XYLT1: variants seen among roughly 807,000 people sequenced by gnomAD.
XYLT1 encodes beta-D-xylosyltransferase 1.
A neutral mutation model predicts 91.3 loss-of-function variants in XYLT1; 36 were observed. The observed-to-expected ratio is 0.39, with a 90% CI of 0.30 to 0.52. The LOEUF (loss-of-function observed/expected upper bound fraction) is 0.52, where lower values mean the gene tolerates loss of function less well. Among genes scored for constraint, XYLT1 ranks in the 20% least tolerant of loss-of-function variants. The pLI is 0.68. For synonymous variants in XYLT1, 588 were observed against 532.0 expected, an observed-to-expected ratio of 1.11 and a Z score of -1.45; for missense variants, 1,242 against 1,284.5, an observed-to-expected ratio of 0.97 and a Z score of 0.51.
At chr16:17,270,897 A>T (rs565943960) in intron 2 of XYLT1, among the ~76,000 whole-genome samples, 4 of 152,152 alleles carry the variant, frequency 2.6e-5, no homozygotes, top group Non-Finnish European at 5.9e-5. Flanking sequence ...CCGCAGAAAA[A>T]ATGAATGCCC....
At chr16:17,247,988 C>A (rs146108056) in intron 3 of XYLT1, among the ~76,000 whole-genome samples, 9 of 152,130 alleles carry the variant, frequency 5.9e-5, no homozygotes, top group Non-Finnish European at 7.3e-5. Context: ...ACCTGCCCCC[C>A]AGTCCCAGCC....
chr16:17,393,720 C>A (rs572504551), intron 1 of XYLT1, among the ~76,000 whole-genome samples: 1 of 151,876 alleles, frequency 6.6e-6, no homozygotes, highest in East Asian at 1.9e-4. Flanking sequence ...TCAAGACCAG[C>A]CTGGGAAACA....
intron 2 of XYLT1, among the ~76,000 whole-genome samples, chr16:17,298,019 C>CA (rs60593780): frequency 0.023 from 2,409 of 105,478 alleles, 62 homozygotes; most frequent in Admixed American, 0.11. Flanking sequence ...GACTCCGTCT[C>CA]AAAAAAAAAA....
intron 1 of XYLT1, among the ~76,000 whole-genome samples, chr16:17,442,203 G>T (rs975274486): frequency 6.6e-6 from 1 of 152,122 alleles, no homozygotes; most frequent in African/African-American, 2.4e-5. Flanking sequence ...CAGGCCTTGG[G>T]ACTTCTCAGC....
At position 17,404,173 on chromosome 16, in the gene XYLT1, G is replaced by A. The variant is rs371945906; in HGVS notation, c.364-46123C>T. Among the ~76,000 whole-genome samples the A allele has an allele frequency of 4.3e-4, 65 of 152,212 alleles. 1 individual carries two copies. The highest frequency in any genetic ancestry group is 1.4e-3 in the African/African-American group (60 of 41,548). On this transcript the variant is annotated intron_variant, in intron 1 of 11. Transcript: ENST00000261381. ...AGGGACTCAGGGCCCAGGAAGGGTC[G>A]GATACTCCTCCCCCATCCAGGTGGG...
chr16:17,460,046 A>G (rs1385311846), intron 1 of XYLT1, among the ~76,000 whole-genome samples: 1 of 152,144 alleles, frequency 6.6e-6, no homozygotes, highest in Non-Finnish European at 1.5e-5. Context: ...ATCAAATTTA[A>G]TCCTCACAAC....
At chr16:17,470,296 C>G in intron 1 of XYLT1, 138 bp downstream of exon 1, 1 of 1,102,014 alleles carries the variant, frequency 9.1e-7, no homozygotes, top group African/African-American at 1.6e-5. Context: ...CCCGGCTTCC[C>G]GGGGCAAGAG....
Position 17,297,750 on chromosome 16 carries a change from G to A in XYLT1, c.403-38252C>T, listed in dbSNP as rs186226054. Among the ~76,000 whole-genome samples, 803 of 151,874 alleles carry A rather than the reference G, an allele frequency of 5.3e-3. 10 individuals are homozygous for A. Among genetic ancestry groups the A allele is most frequent in the African/African-American group, 0.018 (762 of 41,436 alleles). ...TAAAACAAAACAAAAGGCCGGGCGC[G>A]GTGGCTCACGCCTGTAATCCCACCA... is the stretch of plus-strand genomic sequence containing the variant. On this transcript the variant is annotated intron_variant, in intron 2 of 11. Transcript: ENST00000261381.
At chr16:17,413,495 G>C (rs969613211) in intron 1 of XYLT1, among the ~76,000 whole-genome samples, 34 of 149,662 alleles carry the variant, frequency 2.3e-4, no homozygotes, top group African/African-American at 8.5e-4. Flanking sequence ...CTAGAATGCA[G>C]TGGTGCGTGG....
At chr16:17,150,734 C>T (rs1050995591) in intron 6 of XYLT1, among the ~76,000 whole-genome samples, 1 of 151,946 alleles carries the variant, frequency 6.6e-6, no homozygotes, top group African/African-American at 2.4e-5. Flanking sequence ...AAGTAGACAT[C>T]GAGAAATATG....
intron 1 of XYLT1, among the ~76,000 whole-genome samples, chr16:17,434,441 T>C (rs534378021): frequency 1.3e-5 from 2 of 152,350 alleles, no homozygotes; most frequent in African/African-American, 4.8e-5. Context: ...ATGATGAAGA[T>C]GCATTACTTG....
chr16:17,248,035 C>T (rs2033470655), intron 3 of XYLT1, among the ~76,000 whole-genome samples: 1 of 152,186 alleles, frequency 6.6e-6, no homozygotes, highest in South Asian at 2.1e-4. Flanking sequence ...TATAGTTTGG[C>T]TGTGTCCCCA....
chr16:17,390,353 G>A (rs1314447213), intron 1 of XYLT1, among the ~76,000 whole-genome samples: 1 of 152,190 alleles, frequency 6.6e-6, no homozygotes, highest in Non-Finnish European at 1.5e-5. Context: ...TTCGGGGTGG[G>A]GAGTGGTAAG....
At chr16:17,240,502 G>C (rs1448805292) in intron 3 of XYLT1, among the ~76,000 whole-genome samples, 2 of 152,174 alleles carry the variant, frequency 1.3e-5, no homozygotes, top group East Asian at 3.9e-4. Flanking sequence ...GGAATGTATT[G>C]CCACAATCTA....
At chr16:17,423,480 G>A (rs1021881908) in intron 1 of XYLT1, among the ~76,000 whole-genome samples, 1 of 152,182 alleles carries the variant, frequency 6.6e-6, no homozygotes, top group East Asian at 1.9e-4. Context: ...CGATACAAAG[G>A]AGGGGCCCCC....
intron 3 of XYLT1, among the ~76,000 whole-genome samples, chr16:17,254,687 G>A (rs907568142): frequency 2.0e-5 from 3 of 152,032 alleles, no homozygotes; most frequent in African/African-American, 7.2e-5. Flanking sequence ...GAGCCACCGT[G>A]CCTGGCCTAG....
chr16:17,134,416 CCT>C, intron 9 of XYLT1, 55 bp downstream of exon 9: 1 of 1,596,882 alleles, frequency 6.3e-7, no homozygotes, highest in Non-Finnish European at 8.5e-7. Context: ...CACTCTGTAC[CCT>C]GAGCCTCCCC....
At chr16:17,134,357 G>C in intron 9 of XYLT1, 116 bp downstream of exon 9, 1 of 1,366,522 alleles carries the variant, frequency 7.3e-7, no homozygotes, top group Non-Finnish European at 1.0e-6. Flanking sequence ...AAGAGAGAAA[G>C]CATAGGGTGG....
intron 2 of XYLT1, among the ~76,000 whole-genome samples, chr16:17,352,360 G>A (rs1365665012): frequency 6.6e-6 from 1 of 152,112 alleles, no homozygotes; most frequent in Non-Finnish European, 1.5e-5. Context: ...TTCACTGGAT[G>A]GCCCTGAATT....
Sources: allele counts gnomAD v4.1 joint callset (sites outside exome capture counted in the v4.1 genomes callset), GRCh38; gene constraint gnomAD v4.1.1; transcripts MANE v1.5; gene names NCBI Gene and HGNC (gene_info 2026-07-23, HGNC 2026-07-21).